The following BACE1 variants were observed in gnomAD, a reference collection of about 807,000 sequenced individuals.
BACE1 encodes APP beta-secretase.
A neutral mutation model predicts 54.0 loss-of-function variants in BACE1; 21 were observed. That is an observed-to-expected ratio of 0.39 (90% CI 0.28 to 0.56). The LOEUF is 0.56. Among genes scored for constraint, BACE1 ranks in the 20% least tolerant of loss-of-function variants. The pLI, the probability that BACE1 is intolerant of heterozygous loss-of-function variation, is 0.63. For synonymous variants in BACE1, 232 were observed against 260.9 expected (o/e 0.89, Z 1.07); for missense variants, 511 against 661.2 (o/e 0.77, Z 2.49).
chr11:117,289,126 G>GCT lies in BACE1; in HGVS notation c.*439_*440insAG. The GCT allele has an allele frequency of 5.5e-6, 1 of 181,564 alleles. No individual in the cohort carries two copies. Among genetic ancestry groups the GCT allele is most frequent in the South Asian group, 1.3e-4 (1 of 7,584 alleles). 11.2% of individuals were successfully genotyped at this position (181,564 alleles called of 1,614,324 possible). ...CTGTGCATCCTCTCCTACTGACTTTGGCCAGCAGGGAAACAAGCTTGGTCT... is the reference window on the plus strand; with the variant it reads ...CTGTGCATCCTCTCCTACTGACTTTGCTGCCAGCAGGGAAACAAGCTTGGTCT... On this transcript the variant is annotated 3_prime_UTR_variant, in exon 9 of 9. Transcript: ENST00000313005.
chr11:117,306,190 T>C (rs1239138631), intron 1 of BACE1, among the ~76,000 whole-genome samples: 7 of 152,216 alleles, frequency 4.6e-5, no homozygotes, highest in Non-Finnish European at 1.5e-5. Flanking sequence ...CTCCCCTGCC[T>C]GTGCTGGCTC....
At position 117,295,286 on chromosome 11, in the gene BACE1, C is replaced by A; in HGVS notation, c.412G>T (p.Glu138Ter). ...VYVPYTQGKW[E>*]GELGTDLVSI... is the part of the protein sequence containing the mutation. ...ACCAGGTCGGTGCCCAGCTCCCCTT[C>A]CCACTTGCCCTGGGTGTAGGGCACA... The change falls in exon 3 of 9, where the codon GAA becomes TAA. Residue 138 changes from glutamate to a stop codon, truncating the protein, a stop_gained. Transcript: ENST00000313005. LOFTEE classifies it high-confidence loss of function. 1 of 1,614,214 alleles carries A rather than the reference C, an allele frequency of 6.2e-7. No individual in the cohort carries two copies. Among genetic ancestry groups the A allele is most frequent in the Non-Finnish European group, 8.5e-7 (1 of 1,180,032 alleles).
rs182783303 is a variant in BACE1 at position 117,288,344 on chromosome 11, T to C, written c.*1222A>G. On this transcript the variant is annotated 3_prime_UTR_variant, in exon 9 of 9. Transcript: ENST00000313005. ...TAAATGGAGGGGCCATTAGAGAGGG[T>C]AGGAAGGCAATGAAACCACTCTGAA... The C allele has an allele frequency of 1.6e-4, 25 of 152,496 alleles. No homozygotes were observed. The highest frequency in any genetic ancestry group is 5.5e-4 in the African/African-American group (23 of 41,500). The allele number at this position is 152,496 out of a possible 1,614,324, so 9.4% of individuals were successfully genotyped here.
In BACE1 at chr11:117,293,225, A is replaced by G; in HGVS notation, c.706-37T>C. 1 of 1,609,142 alleles carries G rather than the reference A, an allele frequency of 6.2e-7. No individual in the cohort carries two copies. Among genetic ancestry groups the G allele is most frequent in the Non-Finnish European group, 8.5e-7 (1 of 1,177,856 alleles). ...AAGAGGCAGGTACCCGTGTCCTGGC[A>G]CAGAAGGAGAGTGAGTCCCCCAAGG... is the stretch of plus-strand genomic sequence containing the variant. On this transcript the variant is annotated intron_variant, in intron 4 of 8. Transcript: ENST00000313005. This position sits in a 1 kb window ranked among gnomAD's most constrained non-coding sequence, Gnocchi z 4.1.
rs1374832190 is a variant in BACE1, at chr11:117,293,332, A to G, written c.706-144T>C. On this transcript the variant is annotated intron_variant, in intron 4 of 8. Transcript: ENST00000313005. The surrounding 1 kb of genome is among the most constrained non-coding windows in gnomAD (Gnocchi z 4.1). Reference sequence around the variant, plus strand: ...TTTTCATCTTCCTGCTTCTAAACAAATCATACCCAAAGTGATTTCTAGTTT... The same window carrying G: ...TTTTCATCTTCCTGCTTCTAAACAAGTCATACCCAAAGTGATTTCTAGTTT... 1 of 757,994 alleles carries G rather than the reference A, an allele frequency of 1.3e-6. No homozygotes were observed. The highest frequency in any genetic ancestry group is 1.8e-5 in the African/African-American group (1 of 55,740). The allele number at this position is 757,994 out of a possible 1,614,324, so 47.0% of individuals were successfully genotyped here.
chr11:117,287,606 T>C lies in BACE1; in HGVS notation c.*1960A>G, dbSNP rs1257247152. 6.6e-6 allele frequency: 1 copy of C among 152,474 alleles called. No homozygotes were observed. The highest frequency in any genetic ancestry group is 2.4e-5 in the African/African-American group (1 of 41,450). The allele number at this position is 152,474 out of a possible 1,614,324, so 9.4% of individuals were successfully genotyped here. ...AAAGGGCTGGGAAAAAGCCAGTTTT[T>C]CCCAACATGGGTAGAAATTATAAAG... On this transcript the variant is annotated 3_prime_UTR_variant, in exon 9 of 9. Coordinates refer to ENST00000313005, the MANE Select transcript of BACE1 (RefSeq NM_012104.6).
chr11:117,292,979 A>C (rs1207160956), intron 5 of BACE1, 75 bp downstream of exon 5: 1 of 1,550,772 alleles, frequency 6.4e-7, no homozygotes. Flanking sequence ...TCCTCCCAAC[A>C]TGATAACCAG....
chr11:117,302,680 C>T (rs902011105), intron 1 of BACE1, among the ~76,000 whole-genome samples: 11 of 152,194 alleles, frequency 7.2e-5, no homozygotes, highest in African/African-American at 2.7e-4. Flanking sequence ...GTCAAGAGTT[C>T]AAGACCAGCC....
intron 1 of BACE1, among the ~76,000 whole-genome samples, chr11:117,304,950 G>A (rs1454872143): frequency 6.7e-6 from 1 of 148,874 alleles, no homozygotes; most frequent in Non-Finnish European, 1.5e-5. Flanking sequence ...ATGACCCTAT[G>A]GACTCTTCCT....
In BACE1 at chr11:117,298,538, A is replaced by G. The variant is rs551641619; in HGVS notation, c.262-1577T>C. Among the ~76,000 whole-genome samples, 26 of 152,298 alleles carry G rather than the reference A, an allele frequency of 1.7e-4. No individual in the cohort carries two copies. In the South Asian group the frequency reaches 4.3e-3, roughly 25 times the overall value. ...ATCCCCTCCAGCTCAGAGAAGACCTATTCTAGGAGCTGTACTGGTCAGGGG... is the reference window on the plus strand; with the variant it reads ...ATCCCCTCCAGCTCAGAGAAGACCTGTTCTAGGAGCTGTACTGGTCAGGGG... On this transcript the variant is annotated intron_variant, in intron 1 of 8. Coordinates refer to ENST00000313005, the MANE Select transcript of BACE1 (RefSeq NM_012104.6).
intron 1 of BACE1, among the ~76,000 whole-genome samples, chr11:117,307,565 G>C (rs1250754389): frequency 6.6e-6 from 1 of 152,186 alleles, no homozygotes; most frequent in African/African-American, 2.4e-5. Context: ...GCCTGCCTCG[G>C]CCTCCCAAAG....
chr11:117,311,929 A>G (rs2034951411), intron 1 of BACE1, among the ~76,000 whole-genome samples: 1 of 152,124 alleles, frequency 6.6e-6, no homozygotes, highest in South Asian at 2.1e-4. Flanking sequence ...GTGAGCCACC[A>G]CACACAGCCC....
chr11:117,305,778 G>A (rs1341250480), intron 1 of BACE1, among the ~76,000 whole-genome samples: 2 of 152,040 alleles, frequency 1.3e-5, no homozygotes, highest in African/African-American at 2.4e-5. Context: ...GCTCACGCCT[G>A]TAATCCCAGC....
At position 117,287,513 on chromosome 11, in the gene BACE1, A is replaced by G. The variant is rs2034295335; in HGVS notation, c.*2053T>C. ...TAACTGTAAAAAGAAAAACAAGTGC[A>G]AGTTTTCTTTAAAAAAATAATAGGC... On this transcript the variant is annotated 3_prime_UTR_variant, in exon 9 of 9. Transcript: ENST00000313005. 1 of 152,594 alleles carries G rather than the reference A, an allele frequency of 6.6e-6. No homozygotes were observed. The highest frequency in any genetic ancestry group is 6.5e-5 in the Admixed American group (1 of 15,280). 9.5% of individuals were successfully genotyped at this position (152,594 alleles called of 1,614,324 possible).
At chr11:117,295,747 C>CT in intron 2 of BACE1, 1 of 1,424,728 alleles carries the variant, frequency 7.0e-7, no homozygotes, top group South Asian at 1.4e-5. Context: ...GCCTTGGAAC[C>CT]TAGTGGTACC....
chr11:117,307,123 G>A (rs1391425767), intron 1 of BACE1, among the ~76,000 whole-genome samples: 1 of 152,046 alleles, frequency 6.6e-6, no homozygotes, highest in Non-Finnish European at 1.5e-5. Context: ...CCAAGGCTGC[G>A]GTACTAAGGA....
At chr11:117,292,938 C>T (rs1455336259) in intron 5 of BACE1, 116 bp downstream of exon 5, 1 of 1,298,766 alleles carries the variant, frequency 7.7e-7, no homozygotes, top group Admixed American at 2.1e-5. Context: ...AACTTCCAAC[C>T]CTTTCTGCAG....
At chr11:117,290,787 T>C (rs1219340940) in intron 7 of BACE1, 113 bp downstream of exon 7, 3 of 1,548,736 alleles carry the variant, frequency 1.9e-6, no homozygotes, top group African/African-American at 2.7e-5. Context: ...ACCCCTTTAC[T>C]GCTGGACACT....
intron 6 of BACE1, 137 bp from the exon 7 acceptor site, chr11:117,291,186 A>G (rs2034420204): frequency 9.9e-7 from 1 of 1,011,108 alleles, no homozygotes; most frequent in Admixed American, 2.7e-5. Context: ...TAAACCAACC[A>G]GAGGATTACA....
Sources: allele counts gnomAD v4.1 joint callset (sites outside exome capture counted in the v4.1 genomes callset), GRCh38; gene constraint gnomAD v4.1.1; non-coding constraint Gnocchi (gnomAD v3.1); transcripts MANE v1.5; gene names NCBI Gene and HGNC (gene_info 2026-07-23, HGNC 2026-07-21).